AGBL4: variants seen among roughly 807,000 people sequenced by gnomAD.
AGBL4 encodes the protein cytosolic carboxypeptidase 6.
AGBL4 carries 58 observed loss-of-function variants against 66.4 expected under a neutral mutation model. That is an observed-to-expected ratio of 0.87 (90% CI 0.71 to 1.09). The LOEUF (loss-of-function observed/expected upper bound fraction) is 1.09. AGBL4 is among the 50% of genes least tolerant of loss of function. AGBL4 has a pLI of 0.00. For synonymous variants in AGBL4, 234 were observed against 222.9 expected (o/e 1.05, Z -0.44); for missense variants, 579 against 631.0 (o/e 0.92, Z 0.88).
At chr1:49,484,412 C>T (rs1487223649) in intron 3 of AGBL4, among the ~76,000 whole-genome samples, 3 of 152,034 alleles carry the variant, frequency 2.0e-5, no homozygotes, top group Non-Finnish European at 4.4e-5. Flanking sequence ...GAGTACTATT[C>T]AGCCGTAAAA....
intron 3 of AGBL4, among the ~76,000 whole-genome samples, chr1:49,386,861 T>C (rs1644746849): frequency 6.6e-6 from 1 of 151,924 alleles, no homozygotes; most frequent in African/African-American, 2.4e-5. Context: ...CTGTGAGACC[T>C]TGGGCAAGGT....
chr1:49,399,867 C>A (rs1032967335), intron 3 of AGBL4, among the ~76,000 whole-genome samples: 1 of 151,884 alleles, frequency 6.6e-6, no homozygotes, highest in Non-Finnish European at 1.5e-5. Context: ...TCTCATTTGT[C>A]CATTTTTGCT....
At chr1:49,271,349 T>C (rs940981740) in intron 3 of AGBL4, among the ~76,000 whole-genome samples, 1 of 151,816 alleles carries the variant, frequency 6.6e-6, no homozygotes, top group African/African-American at 2.4e-5. Context: ...CTCTTTGGGG[T>C]GGTTCTAGAT....
chr1:49,297,146 T>C (rs1644659215), intron 3 of AGBL4, among the ~76,000 whole-genome samples: 1 of 152,236 alleles, frequency 6.6e-6, no homozygotes, highest in Non-Finnish European at 1.5e-5. Context: ...CTAGTTTCTA[T>C]TCCATTGTCT....
intron 5 of AGBL4, among the ~76,000 whole-genome samples, chr1:48,891,574 G>A (rs1378905205): frequency 6.6e-6 from 1 of 152,154 alleles, no homozygotes; most frequent in Non-Finnish European, 1.5e-5. Context: ...ACCAAAGGCC[G>A]GCTTCCTGTT....
At chr1:49,717,411 T>G (rs551945573) in intron 2 of AGBL4, among the ~76,000 whole-genome samples, 1 of 152,166 alleles carries the variant, frequency 6.6e-6, no homozygotes, top group African/African-American at 2.4e-5. Context: ...TATCAAAGTT[T>G]TAAAATATTC....
At chr1:49,865,429 C>T (rs778196176) in intron 1 of AGBL4, among the ~76,000 whole-genome samples, 8 of 152,130 alleles carry the variant, frequency 5.3e-5, no homozygotes, top group Non-Finnish European at 1.2e-4. Context: ...GCAGCCTCCA[C>T]GGTGACATAT....
At chr1:48,634,660 C>T (rs319983) in intron 8 of AGBL4, 56 bp from the exon 9 acceptor site, 690,172 of 1,262,670 alleles carry the variant, frequency 0.55, 195,536 homozygotes, top group Middle Eastern at 0.62. Flanking sequence ...AGCTTCTCAC[C>T]TGTCAAAATA....
intron 5 of AGBL4, among the ~76,000 whole-genome samples, chr1:49,019,924 A>G (rs1663113705): frequency 6.6e-6 from 1 of 152,220 alleles, no homozygotes; most frequent in South Asian, 2.1e-4. Context: ...CGCACGCTTT[A>G]AAAGGCAGGA....
chr1:48,896,146 C>G (rs1570945946), intron 5 of AGBL4, among the ~76,000 whole-genome samples: 1 of 152,298 alleles, frequency 6.6e-6, no homozygotes, highest in South Asian at 2.1e-4. Context: ...TTAAACATCT[C>G]CTTTCATTTT....
intron 4 of AGBL4, among the ~76,000 whole-genome samples, chr1:49,240,396 C>G (rs1462130273): frequency 6.6e-6 from 1 of 152,056 alleles, no homozygotes; most frequent in Non-Finnish European, 1.5e-5. Flanking sequence ...TCCTACCACC[C>G]ACCAGGTCAC....
intron 3 of AGBL4, among the ~76,000 whole-genome samples, chr1:49,646,003 T>C (rs1221261899): frequency 6.6e-6 from 1 of 151,638 alleles, no homozygotes; most frequent in Non-Finnish European, 1.5e-5. Flanking sequence ...CTCCGTAAAC[T>C]ACTAATAGAA....
At chr1:49,340,993 A>G (rs565944966) in intron 3 of AGBL4, among the ~76,000 whole-genome samples, 30 of 152,354 alleles carry the variant, frequency 2.0e-4, no homozygotes, top group Middle Eastern at 3.4e-3. Context: ...CTTGTAGTAG[A>G]GCACATCTTC....
At position 48,664,886 on chromosome 1, in the gene AGBL4, A is replaced by G. The variant is rs185924084; in HGVS notation, c.635-1645T>C. Among the ~76,000 whole-genome samples, 5 of 152,328 alleles carry G rather than the reference A, an allele frequency of 3.3e-5. No individual in the cohort carries two copies. In the East Asian group the frequency reaches 9.7e-4, roughly 29 times the overall value. ...TGAAGGAAATTTAGAAAGAACATTG[A>G]GAGAGGTTGAATTGAAGGATTTATC... On this transcript the variant is annotated intron_variant, in intron 6 of 13. Coordinates refer to ENST00000371839, the MANE Select transcript of AGBL4 (RefSeq NM_032785.4).
chr1:49,702,827 A>G (rs958748143), intron 2 of AGBL4, among the ~76,000 whole-genome samples: 1 of 152,204 alleles, frequency 6.6e-6, no homozygotes, highest in Non-Finnish European at 1.5e-5. Flanking sequence ...ACACATTATT[A>G]AAATAAAGAC....
chr1:48,941,817 A>G (rs72895643), intron 5 of AGBL4, among the ~76,000 whole-genome samples: 16,203 of 152,218 alleles, frequency 0.11, 958 homozygotes, highest in African/African-American at 0.13. Context: ...TAAGTTGCTT[A>G]CTCAAAGTCA....
chr1:48,913,899 T>G (rs1208127664), intron 5 of AGBL4, among the ~76,000 whole-genome samples: 1 of 152,120 alleles, frequency 6.6e-6, no homozygotes, highest in Non-Finnish European at 1.5e-5. Context: ...TCATGGGATT[T>G]TCATACCCGT....
chr1:48,744,033 C>T (rs921359167), intron 6 of AGBL4, among the ~76,000 whole-genome samples: 1 of 152,176 alleles, frequency 6.6e-6, no homozygotes, highest in African/African-American at 2.4e-5. Context: ...TCAACTCATC[C>T]TGGTAGAGAT....
At chr1:48,738,215 A>T (rs1444831521) in intron 6 of AGBL4, among the ~76,000 whole-genome samples, 1 of 152,238 alleles carries the variant, frequency 6.6e-6, no homozygotes, top group Non-Finnish European at 1.5e-5. Context: ...ATAGCAATGC[A>T]GCCCACCCAT....
Sources: allele counts gnomAD v4.1 joint callset (sites outside exome capture counted in the v4.1 genomes callset), GRCh38; gene constraint gnomAD v4.1.1; transcripts MANE v1.5; gene names NCBI Gene and HGNC (gene_info 2026-07-23, HGNC 2026-07-21).